Variants in KCNT2 observed in about 807,000 individuals in gnomAD.
KCNT2 encodes the protein potassium channel subfamily T member 2.
Under a neutral mutation model 153.8 loss-of-function variants are expected in KCNT2, and 67 were observed. The observed-to-expected ratio is 0.44, with a 90% CI of 0.36 to 0.53. The LOEUF (loss-of-function observed/expected upper bound fraction) is 0.53. Ranked by LOEUF, KCNT2 falls within the 20% of genes least tolerant of loss-of-function variation. The probability of loss-of-function intolerance (pLI) is 0.00; values close to 1 mark genes in which losing one functional copy is unlikely to be tolerated. For missense variants in KCNT2, 975 were observed against 1,354.8 expected (o/e 0.72, Z 4.40); for synonymous variants, 500 against 458.8 (o/e 1.09, Z -1.15).
chr1:196,252,144 T>TA (rs1269469361), intron 26 of KCNT2, among the ~76,000 whole-genome samples: 1 of 151,824 alleles, frequency 6.6e-6, no homozygotes, highest in South Asian at 2.1e-4. Context: ...AGTGAGTTTT[T>TA]AAAAAAATTC....
intron 1 of KCNT2, among the ~76,000 whole-genome samples, chr1:196,548,113 T>G (rs1190642001): frequency 6.6e-6 from 1 of 151,354 alleles, no homozygotes; most frequent in Non-Finnish European, 1.5e-5. Flanking sequence ...AAAATAATAA[T>G]AACTAAAAAA....
At chr1:196,507,768 C>T (rs1377875569) in intron 1 of KCNT2, among the ~76,000 whole-genome samples, 2 of 151,948 alleles carry the variant, frequency 1.3e-5, no homozygotes, top group Non-Finnish European at 2.9e-5. Flanking sequence ...TTCTTACTAA[C>T]GGTCAATATA....
At chr1:196,253,300 T>G (rs528121124) in intron 26 of KCNT2, among the ~76,000 whole-genome samples, 3 of 151,586 alleles carry the variant, frequency 2.0e-5, no homozygotes, top group South Asian at 4.1e-4. Context: ...TATGGCTTTA[T>G]GTACATTGAT....
intron 1 of KCNT2, among the ~76,000 whole-genome samples, chr1:196,500,296 G>A (rs867279191): frequency 0.051 from 6,350 of 123,680 alleles, 355 homozygotes; most frequent in Non-Finnish European, 0.08. Context: ...GAGGGAGGGA[G>A]GGAGGGAGGG....
At chr1:196,582,350 A>G (rs1010446253) in intron 1 of KCNT2, 9 of 153,484 alleles carry the variant, frequency 5.9e-5, no homozygotes, top group African/African-American at 2.2e-4. Flanking sequence ...GTAATGTTAT[A>G]TGCATGTTCT....
chr1:196,255,206 G>C (rs1466711528), intron 26 of KCNT2, among the ~76,000 whole-genome samples: 1 of 151,546 alleles, frequency 6.6e-6, no homozygotes, highest in African/African-American at 2.4e-5. Flanking sequence ...ATTTGCAATA[G>C]AGTTTATAGA....
intron 1 of KCNT2, among the ~76,000 whole-genome samples, chr1:196,605,240 T>C (rs1665185405): frequency 6.6e-6 from 1 of 152,130 alleles, no homozygotes. Context: ...AAGCTTGAGA[T>C]AGGATTGCAG....
intron 11 of KCNT2, 82 bp downstream of exon 11, chr1:196,425,770 A>T: frequency 1.4e-6 from 2 of 1,465,790 alleles, no homozygotes; most frequent in Non-Finnish European, 1.9e-6. Context: ...GCAACACTGA[A>T]AATTGCTAAA....
chr1:196,329,614 A>G (rs1191778858), intron 18 of KCNT2, among the ~76,000 whole-genome samples: 1 of 151,674 alleles, frequency 6.6e-6, no homozygotes, highest in Admixed American at 6.6e-5. Flanking sequence ...TTATCCATAA[A>G]GAAAATAACA....
intron 22 of KCNT2, among the ~76,000 whole-genome samples, chr1:196,295,732 A>T (rs1660618676): frequency 6.6e-6 from 1 of 152,012 alleles, no homozygotes; most frequent in Non-Finnish European, 1.5e-5. Flanking sequence ...ATCATTCAAG[A>T]TATTAGTTTT....
intron 25 of KCNT2, among the ~76,000 whole-genome samples, chr1:196,279,064 C>A (rs1424351888): frequency 6.6e-6 from 1 of 152,154 alleles, no homozygotes; most frequent in Non-Finnish European, 1.5e-5. Flanking sequence ...TCTTGGACTT[C>A]TCAGCCTTCA....
At chr1:196,457,332 A>C (rs1676761408) in intron 8 of KCNT2, among the ~76,000 whole-genome samples, 1 of 151,754 alleles carries the variant, frequency 6.6e-6, no homozygotes, top group African/African-American at 2.4e-5. Flanking sequence ...TCTTTTCACA[A>C]CAATTCTATA....
intron 5 of KCNT2, among the ~76,000 whole-genome samples, chr1:196,475,145 A>G (rs1678419135): frequency 6.6e-6 from 1 of 152,238 alleles, no homozygotes; most frequent in Non-Finnish European, 1.5e-5. Context: ...ATATAAGCAT[A>G]CATATCTATC....
At chr1:196,307,761 T>C (rs1187107183) in intron 21 of KCNT2, among the ~76,000 whole-genome samples, 1 of 152,030 alleles carries the variant, frequency 6.6e-6, no homozygotes, top group Non-Finnish European at 1.5e-5. Flanking sequence ...TGATAGTGCA[T>C]TCAATAAATA....
intron 5 of KCNT2, among the ~76,000 whole-genome samples, chr1:196,478,732 A>G (rs1282641233): frequency 6.6e-6 from 1 of 152,188 alleles, no homozygotes; most frequent in African/African-American, 2.4e-5. Flanking sequence ...AAAAAGAATC[A>G]TGTGAACTAC....
At chr1:196,246,870 G>T (rs1041137056) in intron 26 of KCNT2, among the ~76,000 whole-genome samples, 1 of 151,862 alleles carries the variant, frequency 6.6e-6, no homozygotes, top group Non-Finnish European at 1.5e-5. Flanking sequence ...AGAAGTAAGA[G>T]AAGACCACAA....
chr1:196,523,108 G>A (rs1002934922), intron 1 of KCNT2, among the ~76,000 whole-genome samples: 1 of 152,166 alleles, frequency 6.6e-6, no homozygotes, highest in Admixed American at 6.6e-5. Context: ...CTTCACTCCT[G>A]AAGTCAGCAA....
At chr1:196,588,768 ATAATACATAGAC>A (rs66595291) in intron 1 of KCNT2, among the ~76,000 whole-genome samples, 117,925 of 151,568 alleles carry the variant, frequency 0.78, 49,392 homozygotes, top group East Asian at 0.97. Flanking sequence ...CCAAGGAACA[ATAATACATAGAC>A]TACTAACTGT....
chr1:196,427,001 C>A (rs548017413), intron 10 of KCNT2, among the ~76,000 whole-genome samples: 2 of 151,988 alleles, frequency 1.3e-5, no homozygotes, highest in Non-Finnish European at 2.9e-5. Flanking sequence ...AATTAAATCT[C>A]TTTTCTTTAT....
Sources: gnomAD v4.1 joint callset for allele counts (sites outside exome capture counted in the v4.1 genomes callset) on GRCh38, gnomAD v4.1.1 for gene constraint, MANE v1.5 for transcripts, NCBI Gene and HGNC (gene_info 2026-07-23, HGNC 2026-07-21) for gene names.